The following OXNAD1 variants were observed in gnomAD, a reference collection of about 807,000 sequenced individuals.
OXNAD1 encodes oxidoreductase NAD binding domain containing 1.
OXNAD1 carries 34 observed loss-of-function variants against 32.9 expected under a neutral mutation model. The observed-to-expected ratio is 1.03, with a 90% confidence interval of 0.79 to 1.38. The LOEUF is 1.38. OXNAD1 is among the 40% of genes most tolerant of loss of function. The pLI is 0.00. For missense variants in OXNAD1, 407 were observed against 379.4 expected (o/e 1.07, Z -0.60); for synonymous variants, 134 against 135.2 (o/e 0.99, Z 0.06).
At position 16,271,137 on chromosome 3, in the gene OXNAD1, T is replaced by G; in HGVS notation, c.119+66T>G. On this transcript the variant is annotated intron_variant, in intron 3 of 8. Transcript: ENST00000285083. This position sits in a 1 kb window ranked among gnomAD's most constrained non-coding sequence, Gnocchi z 4.6. ...CAAAGAGACCCGACCTGCTGATGGT[T>G]GTGGGAGGCATATCAAACTCCCGGA... The G allele has an allele frequency of 6.4e-7, 1 of 1,562,606 alleles. No homozygotes were observed. The highest frequency in any genetic ancestry group is 8.7e-7 in the Non-Finnish European group (1 of 1,146,190).
At position 16,301,496 on chromosome 3, in the gene OXNAD1, T is replaced by G. The variant is rs1449082867; in HGVS notation, c.433-130T>G. On this transcript the variant is annotated intron_variant, in intron 6 of 8. Coordinates refer to ENST00000285083, the MANE Select transcript of OXNAD1 (RefSeq NM_138381.5). The surrounding 1 kb of genome is among the most constrained non-coding windows in gnomAD (Gnocchi z 4.1). Reference sequence around the variant, plus strand: ...TCAATTCACAGGGCATCGGGAAAATTGGGAGCAAGCTATAAAAATAGTCTT... The same window carrying G: ...TCAATTCACAGGGCATCGGGAAAATGGGGAGCAAGCTATAAAAATAGTCTT... 2.7e-6 allele frequency: 3 copies of G among 1,122,420 alleles called. No homozygotes were observed. In the African/African-American group the frequency reaches 4.8e-5, roughly 18 times the overall value. 69.5% of individuals were successfully genotyped at this position (1,122,420 alleles called of 1,614,324 possible).
rs935580641 is a variant in OXNAD1, at chr3:16,299,078, A to G, written c.433-2548A>G. Among the ~76,000 whole-genome samples the G allele has an allele frequency of 1.2e-4, 18 of 152,328 alleles. 1 individual carries two copies. The highest frequency in any genetic ancestry group is 1.1e-3 in the Admixed American group (17 of 15,296). On this transcript the variant is annotated intron_variant, in intron 6 of 8. Transcript: ENST00000285083. The surrounding 1 kb of genome is among the most constrained non-coding windows in gnomAD (Gnocchi z 4.4). ...TGGGGCACATTTTCTTGCCAACTTT[A>G]GAGTTGAAAATACTCTGGTTTCTAA...
downstream of OXNAD1, among the ~76,000 whole-genome samples, chr3:16,307,433 G>C (rs2067639404): frequency 6.6e-6 from 1 of 152,194 alleles, no homozygotes; most frequent in Admixed American, 6.5e-5. Flanking sequence ...ATAGAGGATG[G>C]ATTGGCTAGC....
chr3:16,318,421 C>A (rs371154992), intron 9 of OXNAD1, among the ~76,000 whole-genome samples: 5 of 152,140 alleles, frequency 3.3e-5, no homozygotes, highest in Non-Finnish European at 5.9e-5. Flanking sequence ...TGCAGTTGCA[C>A]CATCAGTGGG....
At position 16,297,352 on chromosome 3, in the gene OXNAD1, A is replaced by T. The variant is rs1431174964; in HGVS notation, c.432+2355A>T. Among the ~76,000 whole-genome samples, 1 of 152,192 alleles carries T rather than the reference A, an allele frequency of 6.6e-6. No homozygotes were observed. The highest frequency in any genetic ancestry group is 1.5e-5 in the Non-Finnish European group (1 of 68,040). ...AATATTGACAATACCAAGCGTTGGCAAGGATGTGGAGCAACTGGAACTCTC... is the reference window on the plus strand; with the variant it reads ...AATATTGACAATACCAAGCGTTGGCTAGGATGTGGAGCAACTGGAACTCTC... On this transcript the variant is annotated intron_variant, in intron 6 of 8. Transcript: ENST00000285083. The surrounding 1 kb of genome is among the most constrained non-coding windows in gnomAD (Gnocchi z 4.3).
In OXNAD1 at chr3:16,290,130, T is replaced by G. The variant is rs1184295506; in HGVS notation, c.290+3682T>G. ...GTGGACAGGACCTGGCTGCCTGGTG[T>G]GTCATGGTTGGATGTGGACATCCAC... On this transcript the variant is annotated intron_variant, in intron 5 of 8. Transcript: ENST00000285083. This position sits in a 1 kb window ranked among gnomAD's most constrained non-coding sequence, Gnocchi z 4.2. Among the ~76,000 whole-genome samples, 1 of 152,156 alleles carries G rather than the reference T, an allele frequency of 6.6e-6. No homozygotes were observed. Among genetic ancestry groups the G allele is most frequent in the East Asian group, 1.9e-4 (1 of 5,194 alleles).
chr3:16,265,923 C>G lies in OXNAD1; in HGVS notation c.-159+418C>G. On this transcript the variant is annotated intron_variant, in intron 1 of 8. Coordinates refer to ENST00000285083, the MANE Select transcript of OXNAD1 (RefSeq NM_138381.5). The surrounding 1 kb of genome is among the most constrained non-coding windows in gnomAD (Gnocchi z 4.8). ...AGTAGGCAGGTTTATCAGTGTGAGGCCTATGTATGCCTTGAAGCGAAATGC... is the reference window on the plus strand; with the variant it reads ...AGTAGGCAGGTTTATCAGTGTGAGGGCTATGTATGCCTTGAAGCGAAATGC... 1.0e-6 allele frequency: 1 copy of G among 982,624 alleles called. No homozygotes were observed. Among genetic ancestry groups the G allele is most frequent in the Non-Finnish European group, 1.2e-6 (1 of 827,424 alleles). 60.9% of individuals were successfully genotyped at this position (982,624 alleles called of 1,614,324 possible). A position where few individuals can be genotyped will look rare whatever the true frequency, so the allele number is the denominator to read the frequency against.
downstream of OXNAD1, among the ~76,000 whole-genome samples, chr3:16,351,516 C>T (rs948684909): frequency 6.6e-6 from 1 of 152,104 alleles, no homozygotes; most frequent in Non-Finnish European, 1.5e-5. The surrounding 1 kb of genome is among the most constrained non-coding windows in gnomAD (Gnocchi z 5.4). Context: ...ACAAAGTCTG[C>T]GGGGTTGCAG....
Position 16,297,780 on chromosome 3 carries a change from A to G in OXNAD1, c.432+2783A>G, listed in dbSNP as rs2066902259. On this transcript the variant is annotated intron_variant, in intron 6 of 8. Coordinates refer to ENST00000285083, the MANE Select transcript of OXNAD1 (RefSeq NM_138381.5). This position sits in a 1 kb window ranked among gnomAD's most constrained non-coding sequence, Gnocchi z 4.3. The stretch of plus-strand genomic sequence containing the variant: ...CCATTTTTGTCACATTCTGGAAGAC[A>G]AAGATATAATGATGGGAAACCAGTG... Among the ~76,000 whole-genome samples the G allele has an allele frequency of 6.6e-6, 1 of 152,214 alleles. No homozygotes were observed. The highest frequency in any genetic ancestry group is 2.4e-5 in the African/African-American group (1 of 41,454).
At chr3:16,270,868 A>C in intron 2 of OXNAD1, 77 bp from the exon 3 acceptor site, 1 of 1,585,198 alleles carries the variant, frequency 6.3e-7, no homozygotes, top group Non-Finnish European at 8.6e-7. Flanking sequence ...ACTCTTCCTC[A>C]CTGACCCTCT....
chr3:16,267,103 G>T (rs2124951403), intron 1 of OXNAD1, among the ~76,000 whole-genome samples: 1 of 152,304 alleles, frequency 6.6e-6, no homozygotes, highest in East Asian at 1.9e-4. Flanking sequence ...TGCTTATTGA[G>T]GCATTCTTGG....
In OXNAD1 at chr3:16,322,380, T is replaced by C. The variant is rs1410010440; in HGVS notation, c.*31-14732T>C. On this transcript the variant is annotated intron_variant, in intron 9 of 9. Transcript: ENST00000435829. The surrounding 1 kb of genome is among the most constrained non-coding windows in gnomAD (Gnocchi z 6.2). ...GGGCTGCTCCAATCTGTTCATTTAC[T>C]TGATGCTCCTTCCCAGGGCTCTGTG... Among the ~76,000 whole-genome samples the C allele has an allele frequency of 6.6e-6, 1 of 152,206 alleles. No individual in the cohort carries two copies. Among genetic ancestry groups the C allele is most frequent in the Non-Finnish European group, 1.5e-5 (1 of 68,038 alleles).
chr3:16,276,227 G>T, intron 4 of OXNAD1: 1 of 239,772 alleles, frequency 4.2e-6, no homozygotes, highest in Non-Finnish European at 8.2e-6. Flanking sequence ...TGCGTGTTCA[G>T]GGAGCACATC....
chr3:16,277,162 C>T lies in OXNAD1; in HGVS notation c.183+5440C>T, dbSNP rs1184077288. ...CAGGCTTGTCTTGAACTCCTGACCT[C>T]ATGATCTGCCCTCCTCGGCCTCCCA... is the stretch of plus-strand genomic sequence containing the variant. On this transcript the variant is annotated intron_variant, in intron 4 of 8. Coordinates refer to ENST00000285083, the MANE Select transcript of OXNAD1 (RefSeq NM_138381.5). The surrounding 1 kb of genome is among the most constrained non-coding windows in gnomAD (Gnocchi z 4.3). 6.6e-6 allele frequency among the ~76,000 whole-genome samples: 1 copy of T among 152,062 alleles called. No individual in the cohort carries two copies.
chr3:16,304,077 A>T lies in OXNAD1; in HGVS notation c.*515A>T, dbSNP rs1334913109. 2 of 152,280 alleles carry T rather than the reference A, an allele frequency of 1.3e-5. No individual in the cohort carries two copies. The highest frequency in any genetic ancestry group is 4.8e-5 in the African/African-American group (2 of 41,458). The allele number at this position is 152,280 out of a possible 1,614,324, so 9.4% of individuals were successfully genotyped here. On this transcript the variant is annotated 3_prime_UTR_variant, in exon 9 of 9. Coordinates refer to ENST00000285083, the MANE Select transcript of OXNAD1 (RefSeq NM_138381.5). This position sits in a 1 kb window ranked among gnomAD's most constrained non-coding sequence, Gnocchi z 4.6. ...CCTACAGTCTTATTTGGTCCATCAA[A>T]GTTAAGTTTGGACATGGAAAATTGT...
Position 16,271,916 on chromosome 3 carries a change from T to G in OXNAD1, c.183+194T>G, listed in dbSNP as rs1241676161. ...TTGAAAAGATGACAGATACTCAAATTTTTCCCTTTAAACTTGGAATGAATG... is the reference window on the plus strand; with the variant it reads ...TTGAAAAGATGACAGATACTCAAATGTTTCCCTTTAAACTTGGAATGAATG... On this transcript the variant is annotated intron_variant, in intron 4 of 8. Coordinates refer to ENST00000285083, the MANE Select transcript of OXNAD1 (RefSeq NM_138381.5). The surrounding 1 kb of genome is among the most constrained non-coding windows in gnomAD (Gnocchi z 4.6). 2.6e-5 allele frequency among the ~76,000 whole-genome samples: 4 copies of G among 152,184 alleles called. No individual in the cohort carries two copies. Among genetic ancestry groups the G allele is most frequent in the Non-Finnish European group, 5.9e-5 (4 of 68,016 alleles).
chr3:16,284,069 A>G lies in OXNAD1; in HGVS notation c.184-2273A>G, dbSNP rs1001066884. The stretch of plus-strand genomic sequence containing the variant: ...CTCAGTAGAGGAAGAGACGAAAGGC[A>G]AGATTTCTAAAATATATTCAAGACA... On this transcript the variant is annotated intron_variant, in intron 4 of 8. Transcript: ENST00000285083. The surrounding 1 kb of genome is among the most constrained non-coding windows in gnomAD (Gnocchi z 4.1). Among the ~76,000 whole-genome samples the G allele has an allele frequency of 2.6e-4, 39 of 152,338 alleles. No individual in the cohort carries two copies. The highest frequency in any genetic ancestry group is 8.7e-4 in the African/African-American group (36 of 41,580).
intron 5 of OXNAD1, among the ~76,000 whole-genome samples, chr3:16,293,080 A>C (rs887304197): frequency 3.3e-5 from 5 of 152,194 alleles, no homozygotes; most frequent in Non-Finnish European, 7.3e-5. Context: ...GGTTTTAGTA[A>C]GTATTGCATT....
At chr3:16,286,005 A>G (rs1002553023) in intron 4 of OXNAD1, among the ~76,000 whole-genome samples, 1 of 152,182 alleles carries the variant, frequency 6.6e-6, no homozygotes, top group Non-Finnish European at 1.5e-5. Context: ...ACAGAGTTCC[A>G]ATTCCCTGAG....
Sources: gnomAD v4.1 joint callset for allele counts (sites outside exome capture counted in the v4.1 genomes callset) on GRCh38, gnomAD v4.1.1 for gene constraint, Gnocchi (gnomAD v3.1) non-coding constraint, MANE v1.5 for transcripts, NCBI Gene and HGNC (gene_info 2026-07-23, HGNC 2026-07-21) for gene names.